Variants in SHANK2 observed in about 807,000 individuals in gnomAD.
The protein encoded by SHANK2 is SH3 and multiple ankyrin repeat domains 2.
In SHANK2, 43 loss-of-function variants were observed where a neutral mutation model predicts 133.7. The observed-to-expected ratio is 0.32, with a 90% CI of 0.25 to 0.41. SHANK2 has a LOEUF of 0.41. SHANK2 is among the 10% of genes least tolerant of loss of function. The probability of loss-of-function intolerance (pLI) is 1.00; values close to 1 mark genes in which losing one functional copy is unlikely to be tolerated. For synonymous variants in SHANK2, 1,017 were observed against 952.8 expected, an observed-to-expected ratio of 1.07 and a Z score of -1.24; for missense variants, 1,994 against 2,235.8, an observed-to-expected ratio of 0.89 and a Z score of 2.18.
chr11:70,471,477 A>G lies in SHANK2; in HGVS notation c.*1392T>C, dbSNP rs1240994078. 1 of 398,482 alleles carries G rather than the reference A, an allele frequency of 2.5e-6. No individual in the cohort carries two copies. The highest frequency in any genetic ancestry group is 3.6e-5 in the East Asian group (1 of 28,072). 24.7% of individuals were successfully genotyped at this position (398,482 alleles called of 1,614,324 possible). A position where few individuals can be genotyped will look rare whatever the true frequency, so the allele number is the denominator to read the frequency against. ...TGGGGTGGAGGGACTCCGGGGAAAG[A>G]AAGGGGCGGGGCTCAAGAAAGCCTT... On this transcript the variant is annotated 3_prime_UTR_variant, in exon 26 of 26. Transcript: ENST00000601538. The surrounding 1 kb of genome is among the most constrained non-coding windows in gnomAD (Gnocchi z 4.1).
chr11:71,168,872 G>A (rs1953247764), intron 2 of SHANK2, among the ~76,000 whole-genome samples: 1 of 152,104 alleles, frequency 6.6e-6, no homozygotes, highest in African/African-American at 2.4e-5. Flanking sequence ...AACAGTGGCA[G>A]GTAGCATCTA....
intron 3 of SHANK2, among the ~76,000 whole-genome samples, chr11:71,124,474 C>T (rs1419868044): frequency 3.2e-4 from 49 of 151,628 alleles, no homozygotes; most frequent in Non-Finnish European, 1.2e-4. Flanking sequence ...CCAGAAATTA[C>T]GCTAACCTTA....
At chr11:70,724,026 C>T (rs1946124060) in intron 14 of SHANK2, among the ~76,000 whole-genome samples, 1 of 135,994 alleles carries the variant, frequency 7.4e-6, no homozygotes, top group African/African-American at 3.0e-5. Context: ...TTCTGGAGGC[C>T]CCAAAGTTCA....
At chr11:70,654,306 T>C (rs1356038219) in intron 17 of SHANK2, 1 of 152,222 alleles carries the variant, frequency 6.6e-6, no homozygotes, top group East Asian at 1.9e-4. Flanking sequence ...AACAGCACTA[T>C]CTGTGCCAAG....
At chr11:71,132,292 A>G (rs1242599606) in intron 3 of SHANK2, among the ~76,000 whole-genome samples, 1 of 152,184 alleles carries the variant, frequency 6.6e-6, no homozygotes, top group Non-Finnish European at 1.5e-5. Flanking sequence ...AACACAGAAA[A>G]GTAAAAACTG....
intron 14 of SHANK2, among the ~76,000 whole-genome samples, chr11:70,791,047 G>A (rs1278462994): frequency 1.3e-5 from 2 of 152,044 alleles, no homozygotes; most frequent in South Asian, 2.1e-4. Flanking sequence ...ACACTGGGTG[G>A]CTACTGGGCA....
rs1277789713 is a variant in SHANK2, at chr11:70,765,194, G to A, written c.1777+33249C>T. ...CCCACGTCTGTGTGCCAGTCTTTGT[G>A]ACCCAAGTGGCATGGCTGGCCGCCT... On this transcript the variant is annotated intron_variant, in intron 14 of 25. Transcript: ENST00000601538. 2.0e-5 allele frequency among the ~76,000 whole-genome samples: 3 copies of A among 152,184 alleles called. No homozygotes were observed. The South Asian group carries it at 6.2e-4, about 32-fold the overall frequency.
intron 10 of SHANK2, among the ~76,000 whole-genome samples, chr11:70,906,059 G>A (rs12278949): frequency 0.029 from 4,407 of 152,152 alleles, 187 homozygotes; most frequent in African/African-American, 0.099. Context: ...GTGATCTGCC[G>A]GCCTAGGCCT....
intron 17 of SHANK2, among the ~76,000 whole-genome samples, chr11:70,644,528 G>T (rs376088260): frequency 6.6e-5 from 10 of 152,342 alleles, no homozygotes; most frequent in Non-Finnish European, 1.5e-4. Flanking sequence ...TGGACGCAGC[G>T]ACAGGAACTG....
chr11:70,791,574 A>G (rs562301923), intron 14 of SHANK2, among the ~76,000 whole-genome samples: 1 of 152,332 alleles, frequency 6.6e-6, no homozygotes, highest in Non-Finnish European at 1.5e-5. Flanking sequence ...CAGGCTTCAC[A>G]TTTCAGATAA....
chr11:70,852,564 G>T (rs190877768), intron 11 of SHANK2, among the ~76,000 whole-genome samples: 1 of 152,234 alleles, frequency 6.6e-6, no homozygotes, highest in African/African-American at 2.4e-5. Context: ...TCCATGACTG[G>T]CTGGGCACAG....
At chr11:71,251,450 G>C (rs989427715) in intron 1 of SHANK2, among the ~76,000 whole-genome samples, 1 of 152,026 alleles carries the variant, frequency 6.6e-6, no homozygotes, top group Non-Finnish European at 1.5e-5. Flanking sequence ...CCCAAGTGAC[G>C]AGTGCGCTGT....
chr11:70,731,343 C>G (rs1946285980), intron 14 of SHANK2, among the ~76,000 whole-genome samples: 1 of 152,202 alleles, frequency 6.6e-6, no homozygotes, highest in Non-Finnish European at 1.5e-5. Context: ...AAGTAAGTGT[C>G]TGTTGTTTAA....
At position 71,133,346 on chromosome 11, in the gene SHANK2, A is replaced by ATGGATGGCTGGCTGGCTGGC. The variant is rs1172807204; in HGVS notation, c.207+13773_207+13774insGCCAGCCAGCCAGCCATCCA. Among the ~76,000 whole-genome samples the ATGGATGGCTGGCTGGCTGGC allele has an allele frequency of 3.2e-4, 36 of 111,962 alleles. 1 individual carries two copies. Among genetic ancestry groups the ATGGATGGCTGGCTGGCTGGC allele is most frequent in the African/African-American group, 7.7e-4 (21 of 27,134 alleles). 73.5% of individuals were successfully genotyped at this position (111,962 alleles called of 152,430 possible). The stretch of plus-strand genomic sequence containing the variant: ...GGTAGGTGGGTGGCTGGGAGGATGC[A>ATGGATGGCTGGCTGGCTGGC]TGGCTGGCTGGCTGGCTGGCTGGGT... On this transcript the variant is annotated intron_variant, in intron 3 of 25. Transcript: ENST00000601538.
intron 15 of SHANK2, among the ~76,000 whole-genome samples, chr11:70,665,683 C>T (rs921058495): frequency 1.3e-5 from 2 of 152,208 alleles, no homozygotes; most frequent in Admixed American, 6.5e-5. Context: ...TCAACCCAGA[C>T]ATTGACCACC....
chr11:70,606,508 CAAAAAAAAAAAAAA>C (rs60348645), intron 17 of SHANK2, among the ~76,000 whole-genome samples: 4 of 55,070 alleles, frequency 7.3e-5, no homozygotes, highest in Admixed American at 5.0e-4. Flanking sequence ...AACCTTGACT[CAAAAAAAAAAAAAA>C]AAAAAAAAAA....
At chr11:71,171,906 C>T (rs868913543) in intron 2 of SHANK2, among the ~76,000 whole-genome samples, 2 of 148,980 alleles carry the variant, frequency 1.3e-5, no homozygotes, top group South Asian at 2.2e-4. Context: ...ACGGCTTCCA[C>T]GGAGGAATCT....
At chr11:70,718,236 T>C (rs1945989526) in intron 14 of SHANK2, among the ~76,000 whole-genome samples, 1 of 152,218 alleles carries the variant, frequency 6.6e-6, no homozygotes, top group South Asian at 2.1e-4. Context: ...CAGTAATTGC[T>C]TTCTCATTTT....
chr11:70,912,730 C>G (rs776552505), intron 10 of SHANK2, among the ~76,000 whole-genome samples: 10 of 152,202 alleles, frequency 6.6e-5, no homozygotes, highest in Non-Finnish European at 1.3e-4. Flanking sequence ...GCACTCACCC[C>G]CAGACTTCCT....
Sources: gnomAD v4.1 joint callset for allele counts (sites outside exome capture counted in the v4.1 genomes callset) on GRCh38, gnomAD v4.1.1 for gene constraint, Gnocchi (gnomAD v3.1) non-coding constraint, MANE v1.5 for transcripts, NCBI Gene and HGNC (gene_info 2026-07-23, HGNC 2026-07-21) for gene names.